PARVA: variants seen among roughly 807,000 people sequenced by gnomAD.
The protein encoded by PARVA is alpha-parvin.
Under a neutral mutation model 52.6 loss-of-function variants are expected in PARVA, and 25 were observed. The observed-to-expected ratio is 0.48, with a 90% CI of 0.35 to 0.66. The LOEUF is 0.66. Ranked by LOEUF, PARVA falls within the 30% of genes least tolerant of loss-of-function variation. The probability of loss-of-function intolerance (pLI) is 0.01; values close to 1 mark genes in which losing one functional copy is unlikely to be tolerated. For missense variants in PARVA, 373 were observed against 450.9 expected (o/e 0.83, Z 1.56); for synonymous variants, 185 against 179.1 (o/e 1.03, Z -0.26).
At chr11:12,382,178 G>A (rs1939499670) in intron 1 of PARVA, among the ~76,000 whole-genome samples, 1 of 152,194 alleles carries the variant, frequency 6.6e-6, no homozygotes, top group Non-Finnish European at 1.5e-5. Flanking sequence ...TTCATTTCGT[G>A]CAGTGAGGAT....
chr11:12,417,627 T>C (rs1320061367), intron 1 of PARVA, among the ~76,000 whole-genome samples: 1 of 152,154 alleles, frequency 6.6e-6, no homozygotes, highest in Non-Finnish European at 1.5e-5. Flanking sequence ...AGGAGGATTT[T>C]TCACTCTGCA....
intron 5 of PARVA, among the ~76,000 whole-genome samples, chr11:12,502,788 CTAGTG>C (rs1466254637): frequency 6.7e-6 from 1 of 148,856 alleles, no homozygotes; most frequent in African/African-American, 2.4e-5. Context: ...ACTATCCACT[CTAGTG>C]TAACTATTTT....
In PARVA at chr11:12,377,709, C is replaced by T. The variant is rs756702517; in HGVS notation, c.62C>T (p.Pro21Leu). ...AAGTCTCCCACTCCCAAGTCGCCCC[C>T]GTCCCGCAAGAAAGATGATTCCTTC... ...VPKSPTPKSP[P>L]SRKKDDSFLG... The change falls in exon 1 of 13, where the codon CCG (proline) becomes CTG (leucine). Residue 21 changes from proline to leucine, a missense_variant. Coordinates refer to ENST00000334956, the MANE Select transcript of PARVA (RefSeq NM_018222.5). The T allele has an allele frequency of 2.6e-6, 4 of 1,565,854 alleles. No homozygotes were observed. Among genetic ancestry groups the T allele is most frequent in the East Asian group, 2.6e-5 (1 of 38,404 alleles).
chr11:12,390,447 C>T (rs759184331), intron 1 of PARVA, among the ~76,000 whole-genome samples: 40 of 152,262 alleles, frequency 2.6e-4, no homozygotes, highest in Non-Finnish European at 5.0e-4. Context: ...CTCTTGAGTG[C>T]CTGAGTCCTG....
chr11:12,478,138 A>G lies in PARVA; in HGVS notation c.400+189A>G, dbSNP rs566390577. The G allele has an allele frequency of 6.2e-4, 420 of 680,774 alleles. 2 individuals carry two copies. Among genetic ancestry groups the G allele is most frequent in the South Asian group, 4.8e-3 (321 of 66,524 alleles). 42.2% of individuals were successfully genotyped at this position (680,774 alleles called of 1,614,324 possible). On this transcript the variant is annotated intron_variant, in intron 4 of 12. Coordinates refer to ENST00000334956, the MANE Select transcript of PARVA (RefSeq NM_018222.5). The stretch of plus-strand genomic sequence containing the variant: ...CTCTTGGAATGTTTCATATGAATGA[A>G]TTGTAGAGGGAGTCTCCATGACTAG...
intron 1 of PARVA, among the ~76,000 whole-genome samples, chr11:12,396,342 T>C (rs1939745163): frequency 6.6e-6 from 1 of 152,238 alleles, no homozygotes; most frequent in Non-Finnish European, 1.5e-5. Context: ...TTACCATTTT[T>C]CTAGTCTTTA....
At chr11:12,518,571 CAT>C in intron 12 of PARVA, 54 bp downstream of exon 12, 1 of 1,251,122 alleles carries the variant, frequency 8.0e-7, no homozygotes, top group African/African-American at 1.5e-5. Flanking sequence ...TCTCCCTGCA[CAT>C]GAGTACTCAG....
chr11:12,448,542 C>G (rs1218696183), intron 1 of PARVA, among the ~76,000 whole-genome samples: 1 of 152,138 alleles, frequency 6.6e-6, no homozygotes, highest in Non-Finnish European at 1.5e-5. Context: ...AGGGATTCAT[C>G]AACAGGGACC....
At chr11:12,499,136 T>C (rs1046448847) in intron 5 of PARVA, among the ~76,000 whole-genome samples, 2 of 152,168 alleles carry the variant, frequency 1.3e-5, no homozygotes, top group African/African-American at 4.8e-5. Context: ...TTTAGATAAA[T>C]TTCCAGAACT....
intron 1 of PARVA, among the ~76,000 whole-genome samples, chr11:12,392,111 ATAT>A (rs1939667366): frequency 1.3e-5 from 2 of 152,000 alleles, no homozygotes; most frequent in Admixed American, 1.3e-4. Flanking sequence ...GGAATAATAT[ATAT>A]TATTATAATA....
At chr11:12,395,361 T>C (rs1185330288) in intron 1 of PARVA, among the ~76,000 whole-genome samples, 2 of 152,212 alleles carry the variant, frequency 1.3e-5, no homozygotes, top group African/African-American at 4.8e-5. Flanking sequence ...TACACAGGTC[T>C]TCAGGGGCTC....
chr11:12,393,934 T>G (rs1939699057), intron 1 of PARVA, among the ~76,000 whole-genome samples: 1 of 152,190 alleles, frequency 6.6e-6, no homozygotes, highest in South Asian at 2.1e-4. Flanking sequence ...TTACTCAGTT[T>G]TCTTCCCACA....
At chr11:12,388,589 G>A (rs1036168371) in intron 1 of PARVA, among the ~76,000 whole-genome samples, 51 of 152,024 alleles carry the variant, frequency 3.4e-4, no homozygotes, top group African/African-American at 1.1e-3. Context: ...CATGCTTACG[G>A]GATTTATGGA....
At position 12,460,001 on chromosome 11, in the gene PARVA, C is replaced by T. The variant is rs577168018; in HGVS notation, c.137-13744C>T. Among the ~76,000 whole-genome samples, 29 of 152,286 alleles carry T rather than the reference C, an allele frequency of 1.9e-4. 2 individuals are homozygous for T. Among genetic ancestry groups the T allele is most frequent in the South Asian group, 1.5e-3 (7 of 4,824 alleles). On this transcript the variant is annotated intron_variant, in intron 1 of 12. Coordinates refer to ENST00000334956, the MANE Select transcript of PARVA (RefSeq NM_018222.5). ...TGACCAGGCAACCCCTAGGGCTTAG[C>T]TTATGCAAGATTATTCTCCATTAAA...
Position 12,484,099 on chromosome 11 carries a change from G to A in PARVA, c.400+6150G>A, listed in dbSNP as rs1304418367. Among the ~76,000 whole-genome samples the A allele has an allele frequency of 2.0e-5, 3 of 152,212 alleles. No homozygotes were observed. The East Asian group carries it at 5.8e-4, about 29-fold the overall frequency. ...ATTTCCAAATACCTCAGTTATACAG[G>A]TATGTCCATGGTCACCTGGTTATAT... On this transcript the variant is annotated intron_variant, in intron 4 of 12. Transcript: ENST00000334956.
intron 1 of PARVA, among the ~76,000 whole-genome samples, chr11:12,436,044 G>T (rs1259316179): frequency 6.6e-6 from 1 of 151,966 alleles, no homozygotes; most frequent in Non-Finnish European, 1.5e-5. Context: ...GGATGGTCTC[G>T]ATCTCCTGAC....
rs1564873111 is a variant in PARVA, at chr11:12,530,732, A to ACTTG, written c.*2807_*2808insCTTG. The ACTTG allele has an allele frequency of 6.6e-6, 1 of 151,730 alleles. No homozygotes were observed. Among genetic ancestry groups the ACTTG allele is most frequent in the Non-Finnish European group, 1.5e-5 (1 of 67,898 alleles). The allele number at this position is 151,730 out of a possible 1,614,324, so 9.4% of individuals were successfully genotyped here. On this transcript the variant is annotated 3_prime_UTR_variant, in exon 13 of 13. Transcript: ENST00000334956. ...TCATACACTTTGTTTTTTATCACTT[A>ACTTG]ATGTTATATCTTGGATATTGTATTA...
chr11:12,379,943 C>T (rs1250344517), intron 1 of PARVA, among the ~76,000 whole-genome samples: 3 of 152,156 alleles, frequency 2.0e-5, no homozygotes, highest in Non-Finnish European at 4.4e-5. Context: ...TATTGAAGCT[C>T]ATGACCTACC....
intron 1 of PARVA, among the ~76,000 whole-genome samples, chr11:12,422,607 A>G (rs201556039): frequency 4.0e-5 from 6 of 148,690 alleles, no homozygotes; most frequent in African/African-American, 1.2e-4. Flanking sequence ...TTATAGGGTC[A>G]TTTCCCAGTG....
Sources: gnomAD v4.1 joint callset for allele counts (sites outside exome capture counted in the v4.1 genomes callset) on GRCh38, gnomAD v4.1.1 for gene constraint, MANE v1.5 for transcripts, NCBI Gene and HGNC (gene_info 2026-07-23, HGNC 2026-07-21) for gene names.